CALR3: variants seen among roughly 807,000 people sequenced by gnomAD.
CALR3 encodes calreticulin-3.
A neutral mutation model predicts 48.7 loss-of-function variants in CALR3; 39 were observed. The ratio of observed to expected loss-of-function variants is 0.80; its 90% confidence interval spans 0.62 to 1.05. CALR3 has a LOEUF of 1.05. Ranked by LOEUF, CALR3 falls within the 50% of genes least tolerant of loss-of-function variation. The pLI is 0.00. For missense variants in CALR3, 449 were observed against 474.7 expected (o/e 0.95, Z 0.50); for synonymous variants, 185 against 172.7 (o/e 1.07, Z -0.56).
In CALR3 at chr19:16,490,351, C is replaced by T; in HGVS notation, c.397+16G>A. The T allele has an allele frequency of 6.2e-7, 1 of 1,612,432 alleles. No individual in the cohort carries two copies. Among genetic ancestry groups the T allele is most frequent in the Non-Finnish European group, 8.5e-7 (1 of 1,178,444 alleles). On this transcript the variant is annotated intron_variant, in intron 3 of 8. Coordinates refer to ENST00000269881, the MANE Select transcript of CALR3 (RefSeq NM_145046.5). ...AAAGTCACTAGAAGTGGTTGTGTTG[C>T]ACCACGTAAACTCACCAAACATAAT...
chr19:16,489,606 C>T (rs1188265461), intron 3 of CALR3, among the ~76,000 whole-genome samples: 2 of 132,398 alleles, frequency 1.5e-5, no homozygotes, highest in East Asian at 2.2e-4. Flanking sequence ...GCAACAAGAG[C>T]GAAACTCTGT....
intron 3 of CALR3, among the ~76,000 whole-genome samples, chr19:16,488,196 G>A (rs1205710777): frequency 6.6e-6 from 1 of 152,032 alleles, no homozygotes; most frequent in African/African-American, 2.4e-5. Flanking sequence ...TGATGCGCCC[G>A]CCTCTGGCTC....
rs540039615 is a variant in CALR3 at position 16,491,267 on chromosome 19, C to T, written c.194-697G>A. Among the ~76,000 whole-genome samples, 56 of 151,892 alleles carry T rather than the reference C, an allele frequency of 3.7e-4. 1 individual carries two copies. In the South Asian group the frequency reaches 0.011, roughly 29 times the overall value. ...CCTCCCGAGTAGCTGGGACTACAGGCGCTGGCCACAACACCCAGCTAATTT... is the reference window on the plus strand; with the variant it reads ...CCTCCCGAGTAGCTGGGACTACAGGTGCTGGCCACAACACCCAGCTAATTT... On this transcript the variant is annotated intron_variant, in intron 2 of 8. Coordinates refer to ENST00000269881, the MANE Select transcript of CALR3 (RefSeq NM_145046.5).
At chr19:16,482,862 C>T in intron 5 of CALR3, 77 bp from the exon 6 acceptor site, 1 of 1,390,750 alleles carries the variant, frequency 7.2e-7, no homozygotes, top group Non-Finnish European at 9.9e-7. Flanking sequence ...GTTTTTGTTT[C>T]TTGAGACTAG....
chr19:16,492,002 T>C (rs537063468), intron 2 of CALR3, among the ~76,000 whole-genome samples: 5 of 151,914 alleles, frequency 3.3e-5, no homozygotes, highest in Admixed American at 2.0e-4. Flanking sequence ...CTAATTTTCA[T>C]ATTTTTAGTA....
chr19:16,484,830 T>C (rs769506409), intron 4 of CALR3, among the ~76,000 whole-genome samples: 10 of 152,202 alleles, frequency 6.6e-5, no homozygotes, highest in Non-Finnish European at 1.2e-4. Flanking sequence ...TTCTCCAGAA[T>C]GTTTTTTTCA....
chr19:16,496,006 A>G, intron 1 of CALR3, 33 bp downstream of exon 1: 1 of 1,570,670 alleles, frequency 6.4e-7, no homozygotes, highest in Non-Finnish European at 8.7e-7. Context: ...GGGGGAGCTT[A>G]CACCTCCGCC....
chr19:16,495,099 G>C (rs756916453), intron 2 of CALR3, among the ~76,000 whole-genome samples: 2 of 151,952 alleles, frequency 1.3e-5, no homozygotes, highest in Non-Finnish European at 2.9e-5. Flanking sequence ...GGTGGCGCAC[G>C]CTTGTAATCG....
intron 2 of CALR3, among the ~76,000 whole-genome samples, chr19:16,493,792 A>T (rs2093401606): frequency 6.6e-6 from 1 of 151,832 alleles, no homozygotes. Flanking sequence ...CAGTGGCATG[A>T]TCTTGGCTCC....
intron 2 of CALR3, among the ~76,000 whole-genome samples, chr19:16,495,378 C>G (rs1417337987): frequency 6.6e-6 from 1 of 151,422 alleles, no homozygotes; most frequent in African/African-American, 2.4e-5. Context: ...GCCTGGCCAA[C>G]GTGGACCCTG....
chr19:16,479,734 G>C (rs934483462), intron 8 of CALR3, among the ~76,000 whole-genome samples: 1 of 151,838 alleles, frequency 6.6e-6, no homozygotes, highest in Non-Finnish European at 1.5e-5. Context: ...ACTCCAGCCT[G>C]GGTGACAGAG....
intron 7 of CALR3, among the ~76,000 whole-genome samples, chr19:16,481,808 A>G (rs533751294): frequency 2.8e-4 from 43 of 151,670 alleles, no homozygotes; most frequent in African/African-American, 1.0e-3. Flanking sequence ...TGGGATCACC[A>G]AAGCATTAAA....
intron 2 of CALR3, among the ~76,000 whole-genome samples, chr19:16,492,790 A>G (rs1216134862): frequency 6.7e-6 from 1 of 148,890 alleles, no homozygotes; most frequent in Non-Finnish European, 1.5e-5. Flanking sequence ...TGAACCCAGG[A>G]GGCAGAGCTT....
intron 3 of CALR3, among the ~76,000 whole-genome samples, chr19:16,486,504 C>T (rs773433129): frequency 2.8e-4 from 43 of 151,380 alleles, no homozygotes; most frequent in Non-Finnish European, 5.0e-4. Flanking sequence ...CCTGTAATCC[C>T]AGCTATTGGG....
At chr19:16,488,230 TGA>T (rs1032388916) in intron 3 of CALR3, among the ~76,000 whole-genome samples, 2 of 152,170 alleles carry the variant, frequency 1.3e-5, no homozygotes, top group African/African-American at 4.8e-5. Flanking sequence ...ATAACAGGCG[TGA>T]GCCACCGCAC....
intron 7 of CALR3, among the ~76,000 whole-genome samples, chr19:16,481,747 C>G (rs186839632): frequency 3.9e-5 from 6 of 151,950 alleles, no homozygotes; most frequent in Non-Finnish European, 7.4e-5. Flanking sequence ...AATCTGCCCC[C>G]CTCAGCCTCC....
At chr19:16,487,104 C>A (rs1301653941) in intron 3 of CALR3, among the ~76,000 whole-genome samples, 3 of 152,038 alleles carry the variant, frequency 2.0e-5, no homozygotes, top group Admixed American at 6.6e-5. Flanking sequence ...CTCCTCGGCT[C>A]GGGGGATTCC....
At chr19:16,488,635 T>C (rs1003735464) in intron 3 of CALR3, among the ~76,000 whole-genome samples, 4 of 152,054 alleles carry the variant, frequency 2.6e-5, no homozygotes, top group African/African-American at 9.7e-5. Context: ...CTTGAACTCC[T>C]GAACTCCAGT....
At chr19:16,491,638 G>T (rs1041007352) in intron 2 of CALR3, among the ~76,000 whole-genome samples, 6 of 149,964 alleles carry the variant, frequency 4.0e-5, no homozygotes, top group African/African-American at 1.5e-4. Context: ...TTAGCGGGGT[G>T]TGGTGGCATG....
Sources: gnomAD v4.1 joint callset for allele counts (sites outside exome capture counted in the v4.1 genomes callset) on GRCh38, gnomAD v4.1.1 for gene constraint, MANE v1.5 for transcripts, NCBI Gene and HGNC (gene_info 2026-07-23, HGNC 2026-07-21) for gene names.